Variants in MAK observed in about 807,000 individuals in gnomAD.
MAK encodes the protein male germ cell associated kinase.
In MAK, 65 loss-of-function variants were observed where a neutral mutation model predicts 82.6. That is an observed-to-expected ratio of 0.79 (90% CI 0.64 to 0.97). The LOEUF (loss-of-function observed/expected upper bound fraction) is 0.97. MAK is among the 50% of genes least tolerant of loss of function. MAK has a pLI of 0.00. For missense variants in MAK, 703 were observed against 780.2 expected (o/e 0.90, Z 1.18); for synonymous variants, 250 against 274.2 (o/e 0.91, Z 0.87).
chr6:10,777,690 G>A (rs1031717881), intron 11 of MAK, among the ~76,000 whole-genome samples: 7 of 152,144 alleles, frequency 4.6e-5, no homozygotes, highest in African/African-American at 1.2e-4. Flanking sequence ...CCAGGCTGGA[G>A]TGCAATGGCG....
At position 10,784,756 on chromosome 6, in the gene MAK, G is replaced by A. The variant is rs114272831; in HGVS notation, c.1317-184C>T. The A allele has an allele frequency of 5.9e-4, 396 of 665,708 alleles. 11 individuals carry two copies. The highest frequency in any genetic ancestry group is 5.1e-3 in the South Asian group (333 of 65,030). 41.2% of individuals were successfully genotyped at this position (665,708 alleles called of 1,614,324 possible). ...CCTCCACCCGCGTAGATATTGGGTC[G>A]TGCACAGACTCATTTCTGATACCAG... On this transcript the variant is annotated intron_variant, in intron 10 of 14. Coordinates refer to ENST00000354489, the MANE Select transcript of MAK (RefSeq NM_001242957.3).
intron 4 of MAK, among the ~76,000 whole-genome samples, chr6:10,813,967 TA>T (rs958465270): frequency 3.7e-5 from 2 of 54,210 alleles, no homozygotes; most frequent in East Asian, 3.1e-4. Context: ...ATTAAATAGC[TA>T]ATTTTTTTTT....
rs1324580407 is a variant in MAK, at chr6:10,800,789, G to A, written c.831+1103C>T. 2.6e-5 allele frequency among the ~76,000 whole-genome samples: 4 copies of A among 152,258 alleles called. No individual in the cohort carries two copies. The highest frequency in any genetic ancestry group is 7.2e-5 in the African/African-American group (3 of 41,550). On this transcript the variant is annotated intron_variant, in intron 8 of 14. Transcript: ENST00000354489. This position sits in a 1 kb window ranked among gnomAD's most constrained non-coding sequence, Gnocchi z 4.2. ...CAGGAGGCAGAGGTTGCGGTGAGCCGAGATCATGCCATTGCACTCCAGCCT... is the reference window on the plus strand; with the variant it reads ...CAGGAGGCAGAGGTTGCGGTGAGCCAAGATCATGCCATTGCACTCCAGCCT...
intron 4 of MAK, 63 bp downstream of exon 4, chr6:10,817,787 T>C (rs1777607864): frequency 2.3e-6 from 3 of 1,306,234 alleles, no homozygotes; most frequent in East Asian, 2.7e-5. Flanking sequence ...AAGTATGACA[T>C]ATCAAAAGGA....
chr6:10,783,888 T>A (rs941645476), intron 11 of MAK, among the ~76,000 whole-genome samples: 9 of 152,010 alleles, frequency 5.9e-5, no homozygotes, highest in Non-Finnish European at 1.2e-4. Context: ...GCGTGGTGGC[T>A]CGCACCTGTA....
rs568433855 is a variant in MAK at position 10,775,323 on chromosome 6, G to A, written c.1597+5C>T. On this transcript the variant is annotated splice_donor_5th_base_variant and intron_variant, in intron 12 of 14. Transcript: ENST00000354489. ...GTACATGTACATTTTGTATTCTTGC[G>A]TTACCTGCATTGCTCCTTTTGAAAG... The A allele has an allele frequency of 2.4e-5, 38 of 1,612,658 alleles. No homozygotes were observed. In the African/African-American group the frequency reaches 2.9e-4, roughly 12 times the overall value.
chr6:10,827,264 C>T (rs560542682), intron 2 of MAK, among the ~76,000 whole-genome samples: 6 of 152,268 alleles, frequency 3.9e-5, no homozygotes, highest in Admixed American at 6.5e-5. Flanking sequence ...CCTTCTGATT[C>T]GCCTACCCTC....
At chr6:10,771,998 A>G (rs969144517) in intron 13 of MAK, among the ~76,000 whole-genome samples, 2 of 152,230 alleles carry the variant, frequency 1.3e-5, no homozygotes, top group Non-Finnish European at 2.9e-5. Context: ...AATTCCAGGT[A>G]GGGTTATGTA....
intron 4 of MAK, 70 bp downstream of exon 4, chr6:10,817,780 T>C: frequency 8.1e-7 from 1 of 1,227,992 alleles, no homozygotes; most frequent in Non-Finnish European, 1.1e-6. Flanking sequence ...TCTCATAAAG[T>C]ATGACATATC....
intron 13 of MAK, 96 bp downstream of exon 13, chr6:10,772,938 C>T (rs1773148401): frequency 1.5e-5 from 12 of 780,554 alleles, no homozygotes; most frequent in Admixed American, 1.4e-4. Context: ...CGGATCATCT[C>T]GGCCTTTTAT....
At chr6:10,805,173 G>C (rs1446517657) in intron 6 of MAK, among the ~76,000 whole-genome samples, 1 of 152,176 alleles carries the variant, frequency 6.6e-6, no homozygotes, top group Non-Finnish European at 1.5e-5. Context: ...GTTGCCACCT[G>C]TGACCCTGAA....
chr6:10,801,864 A>C, intron 8 of MAK, 28 bp downstream of exon 8: 1 of 1,610,016 alleles, frequency 6.2e-7, no homozygotes, highest in South Asian at 1.1e-5. Flanking sequence ...AAACATTTTT[A>C]AAGGTCTAAC....
intron 6 of MAK, among the ~76,000 whole-genome samples, chr6:10,805,580 A>G (rs1309531554): frequency 2.0e-5 from 3 of 151,908 alleles, no homozygotes; most frequent in African/African-American, 7.3e-5. Flanking sequence ...GGAAAAAAAA[A>G]AAAAAAAGAA....
intron 1 of MAK, among the ~76,000 whole-genome samples, chr6:10,834,429 C>T (rs977157348): frequency 6.6e-6 from 1 of 152,180 alleles, no homozygotes; most frequent in African/African-American, 2.4e-5. Context: ...TCGTCTCCAA[C>T]TTCTAAACAA....
chr6:10,802,114 T>A, intron 7 of MAK, 55 bp from the exon 8 acceptor site: 1 of 1,426,178 alleles, frequency 7.0e-7, no homozygotes, highest in East Asian at 2.3e-5. Context: ...TTGTTTTTAG[T>A]AATCCATTTA....
chr6:10,796,330 C>T, intron 8 of MAK, 21 bp from the exon 9 acceptor site: 1 of 1,595,270 alleles, frequency 6.3e-7, no homozygotes, highest in Non-Finnish European at 8.6e-7. Context: ...ACAGAGAAAA[C>T]AACAAATGGA....
intron 9 of MAK, among the ~76,000 whole-genome samples, chr6:10,795,731 C>T (rs1287340024): frequency 2.0e-5 from 3 of 152,022 alleles, no homozygotes; most frequent in East Asian, 1.9e-4. Flanking sequence ...GCAACAAAAG[C>T]GAACCTCCGT....
intron 1 of MAK, among the ~76,000 whole-genome samples, chr6:10,834,436 A>C (rs1168071258): frequency 6.6e-6 from 1 of 152,166 alleles, no homozygotes; most frequent in Non-Finnish European, 1.5e-5. Context: ...CAACTTCTAA[A>C]CAAGCCATTC....
chr6:10,832,826 T>C (rs1203551717), intron 1 of MAK, among the ~76,000 whole-genome samples: 1 of 152,144 alleles, frequency 6.6e-6, no homozygotes, highest in South Asian at 2.1e-4. Context: ...AATTAAGGTA[T>C]GTATGTTATT....
Sources: gnomAD v4.1 joint callset for allele counts (sites outside exome capture counted in the v4.1 genomes callset) on GRCh38, gnomAD v4.1.1 for gene constraint, Gnocchi (gnomAD v3.1) non-coding constraint, MANE v1.5 for transcripts, NCBI Gene and HGNC (gene_info 2026-07-23, HGNC 2026-07-21) for gene names.